Variants in TENM3 observed in about 807,000 individuals in gnomAD.
The protein encoded by TENM3 is teneurin-3.
In TENM3, 63 loss-of-function variants were observed where a neutral mutation model predicts 255.1. The ratio of observed to expected loss-of-function variants is 0.25; its 90% CI spans 0.20 to 0.30. The LOEUF is 0.30. TENM3 is among the 10% of genes least tolerant of loss of function. The pLI, the probability that TENM3 is intolerant of heterozygous loss-of-function variation, is 1.00. For missense variants in TENM3, 2,929 were observed against 3,461.1 expected, an observed-to-expected ratio of 0.85 and a Z score of 3.86; for synonymous variants, 1,306 against 1,322.3, an observed-to-expected ratio of 0.99 and a Z score of 0.27.
chr4:181,773,511 G>A, the TENM3 span, among the ~76,000 whole-genome samples: 1 of 152,130 alleles, frequency 6.6e-6, no homozygotes, highest in Non-Finnish European at 1.5e-5. Context: ...TGCTCTATGC[G>A]AAGCCCCAGA....
chr4:182,588,217 T>TA (rs1746241369), intron 3 of TENM3, among the ~76,000 whole-genome samples: 1 of 152,186 alleles, frequency 6.6e-6, no homozygotes, highest in Non-Finnish European at 1.5e-5. Context: ...GTTAATTGAT[T>TA]TATATAGTTA....
At chr4:181,984,905 G>C in the TENM3 span, among the ~76,000 whole-genome samples, 2 of 151,208 alleles carry the variant, frequency 1.3e-5, no homozygotes, top group Admixed American at 1.3e-4. Context: ...ATTCACTAGA[G>C]AAGTAGGGAA....
chr4:181,695,295 T>C, the TENM3 span, among the ~76,000 whole-genome samples: 12 of 152,142 alleles, frequency 7.9e-5, no homozygotes, highest in Non-Finnish European at 1.6e-4. Flanking sequence ...AATCCAGAAT[T>C]TACTGGAAGA....
chr4:182,502,910 CTTTTTTTTTTTTTT>C (rs10671906), intron 3 of TENM3, among the ~76,000 whole-genome samples: 3 of 77,370 alleles, frequency 3.9e-5, no homozygotes, highest in Admixed American at 2.8e-4. Context: ...TGAAGTCAGC[CTTTTTTTTTTTTTT>C]TTTTTTTTTT....
chr4:181,486,010 C>T, the TENM3 span, among the ~76,000 whole-genome samples: 1 of 136,382 alleles, frequency 7.3e-6, no homozygotes, highest in Non-Finnish European at 1.6e-5. Context: ...CATTCAAAAA[C>T]TTGAGAGAAA....
chr4:182,123,677 A>G, the TENM3 span, among the ~76,000 whole-genome samples: 14 of 152,344 alleles, frequency 9.2e-5, no homozygotes, highest in South Asian at 1.9e-3. Context: ...ACCATAACAG[A>G]TGTAATAATC....
At chr4:181,953,298 G>C in the TENM3 span, among the ~76,000 whole-genome samples, 85,764 of 151,084 alleles carry the variant, frequency 0.57, 24,901 homozygotes, top group African/African-American at 0.67. Context: ...TCATCATCAT[G>C]ATCATCAGTC....
At chr4:181,633,626 A>G in the TENM3 span, among the ~76,000 whole-genome samples, 12,870 of 152,240 alleles carry the variant, frequency 0.085, 571 homozygotes, top group East Asian at 0.14. Flanking sequence ...TTTCGTCCAG[A>G]GCCTGAGGGT....
intron 1 of TENM3, among the ~76,000 whole-genome samples, chr4:182,225,702 A>G (rs1001826253): frequency 6.6e-6 from 1 of 152,182 alleles, no homozygotes; most frequent in African/African-American, 2.4e-5. Flanking sequence ...GACACGGGAG[A>G]TGTCTCCAAA....
chr4:182,058,944 T>TTGTG, the TENM3 span, among the ~76,000 whole-genome samples: 1 of 46,998 alleles, frequency 2.1e-5, no homozygotes, highest in African/African-American at 9.7e-5. Flanking sequence ...AAGTCATAGC[T>TTGTG]CGTGTGTGTG....
the TENM3 span, among the ~76,000 whole-genome samples, chr4:181,757,192 A>G: frequency 6.6e-4 from 100 of 152,348 alleles, no homozygotes; most frequent in Non-Finnish European, 1.2e-3. Flanking sequence ...ACAGGTTTTT[A>G]TTAGAAGCCA....
the TENM3 span, among the ~76,000 whole-genome samples, chr4:181,673,181 T>A: frequency 6.6e-6 from 1 of 152,198 alleles, no homozygotes; most frequent in African/African-American, 2.4e-5. Flanking sequence ...TTTATGCGTA[T>A]ACCTATTATT....
At chr4:182,268,897 CT>C (rs747732509) in intron 1 of TENM3, among the ~76,000 whole-genome samples, 3 of 152,112 alleles carry the variant, frequency 2.0e-5, no homozygotes, top group African/African-American at 4.8e-5. Flanking sequence ...AGTAGCCATT[CT>C]TTTATTCCTT....
At chr4:181,964,301 C>T in the TENM3 span, among the ~76,000 whole-genome samples, 1 of 151,972 alleles carries the variant, frequency 6.6e-6, no homozygotes, top group Admixed American at 6.6e-5. Flanking sequence ...CTTAGGGTGT[C>T]AAAAAGATGA....
intron 3 of TENM3, among the ~76,000 whole-genome samples, chr4:182,526,558 G>T (rs1739209163): frequency 6.6e-6 from 1 of 152,146 alleles, no homozygotes; most frequent in African/African-American, 2.4e-5. Flanking sequence ...AAAGAAAATA[G>T]TGGGAAGGAA....
chr4:181,632,816 G>T, the TENM3 span, among the ~76,000 whole-genome samples: 1 of 152,102 alleles, frequency 6.6e-6, no homozygotes, highest in South Asian at 2.1e-4. Context: ...GAATATGACG[G>T]CATGAGCCAC....
chr4:181,922,871 C>T, the TENM3 span, among the ~76,000 whole-genome samples: 18 of 151,592 alleles, frequency 1.2e-4, no homozygotes, highest in African/African-American at 3.4e-4. Context: ...TGTGGGCATT[C>T]AGTGCTATAA....
At position 182,731,076 on chromosome 4, in the gene TENM3, A is replaced by T; in HGVS notation, c.2904A>T (p.Ser968=). The T allele has an allele frequency of 1.2e-6, 2 of 1,613,886 alleles. No homozygotes were observed. Among genetic ancestry groups the T allele is most frequent in the South Asian group, 2.2e-5 (2 of 91,074 alleles). Residue 968 remains serine (S), a synonymous_variant, in exon 16 of 28, where the codon TCA becomes TCT. Coordinates refer to ENST00000511685, the MANE Select transcript of TENM3 (RefSeq NM_001080477.4). ...TGAGGCCAAATCCCATCATTGTGTCATCACCTTTATCCACCTTTTTCAGAT... is the reference window on the plus strand; with the variant it reads ...TGAGGCCAAATCCCATCATTGTGTCTTCACCTTTATCCACCTTTTTCAGAT... The part of the protein sequence containing the change: ...GFVRPNPIIV[S]SPLSTFFRSS...
chr4:181,689,071 T>C, the TENM3 span, among the ~76,000 whole-genome samples: 1 of 152,188 alleles, frequency 6.6e-6, no homozygotes, highest in South Asian at 2.1e-4. Flanking sequence ...CATAGAGCAG[T>C]AGGCTGGTGC....
Sources: allele counts gnomAD v4.1 joint callset (sites outside exome capture counted in the v4.1 genomes callset), GRCh38; gene constraint gnomAD v4.1.1; transcripts MANE v1.5; gene names NCBI Gene and HGNC (gene_info 2026-07-23, HGNC 2026-07-21).